The following SAMD5 variants were observed in gnomAD, a reference collection of about 807,000 sequenced individuals.
The protein encoded by SAMD5 is sterile alpha motif domain containing 5.
SAMD5 carries 13 observed loss-of-function variants against 11.3 expected under a neutral mutation model. The ratio of observed to expected loss-of-function variants is 1.15; its 90% CI spans 0.75 to 1.83. SAMD5 has a LOEUF of 1.83. Among genes scored for constraint, SAMD5 ranks in the 40% most tolerant of loss-of-function variants. The probability of loss-of-function intolerance (pLI) is 0.00; values close to 1 mark genes in which losing one functional copy is unlikely to be tolerated. For synonymous variants in SAMD5, 129 were observed against 111.3 expected (o/e 1.16, Z -1.00); for missense variants, 255 against 239.1 (o/e 1.07, Z -0.44).
chr6:147,887,330 T>A, the SAMD5 span, among the ~76,000 whole-genome samples: 1 of 152,280 alleles, frequency 6.6e-6, no homozygotes, highest in East Asian at 1.9e-4. Flanking sequence ...CTTTGTAATC[T>A]CATCCCTCTC....
chr6:147,767,455 G>A, the SAMD5 span, among the ~76,000 whole-genome samples: 1 of 149,912 alleles, frequency 6.7e-6, no homozygotes, highest in East Asian at 1.9e-4. Flanking sequence ...TGGACTGGAT[G>A]TTTGTGTCTC....
At chr6:147,935,196 C>T in the SAMD5 span, among the ~76,000 whole-genome samples, 1 of 152,128 alleles carries the variant, frequency 6.6e-6, no homozygotes, top group African/African-American at 2.4e-5. Flanking sequence ...GGCAGTTGAG[C>T]TTGACTCAAT....
intron 1 of SAMD5, among the ~76,000 whole-genome samples, chr6:147,690,539 C>G (rs918672415): frequency 6.6e-6 from 1 of 152,072 alleles, no homozygotes; most frequent in Non-Finnish European, 1.5e-5. Context: ...GTCCCAGCTA[C>G]TTGGGAGGCA....
chr6:147,525,965 G>T (rs13214443), intron 1 of SAMD5, among the ~76,000 whole-genome samples: 8,549 of 152,218 alleles, frequency 0.056, 306 homozygotes, highest in Admixed American at 0.088. Flanking sequence ...GGCCCAGCCT[G>T]TTGGCCATTA....
chr6:147,595,736 A>G (rs772709690), intron 1 of SAMD5, among the ~76,000 whole-genome samples: 7 of 151,992 alleles, frequency 4.6e-5, no homozygotes, highest in Admixed American at 2.0e-4. Flanking sequence ...CATGTTGGCC[A>G]GGAGGGTCTC....
At chr6:147,702,496 A>T (rs1352314084) in intron 1 of SAMD5, among the ~76,000 whole-genome samples, 1 of 152,242 alleles carries the variant, frequency 6.6e-6, no homozygotes, top group Non-Finnish European at 1.5e-5. Flanking sequence ...ACATTTGGTG[A>T]TAAAAGATTT....
the SAMD5 span, among the ~76,000 whole-genome samples, chr6:147,842,362 T>G: frequency 6.6e-6 from 1 of 151,912 alleles, no homozygotes; most frequent in East Asian, 1.9e-4. Context: ...ACCTGGTGAG[T>G]GCTCTCCCAG....
chr6:147,656,492 G>T (rs1196154020), intron 1 of SAMD5, among the ~76,000 whole-genome samples: 1 of 151,952 alleles, frequency 6.6e-6, no homozygotes, highest in Admixed American at 6.6e-5. Flanking sequence ...CCCATAAAAG[G>T]CATATACCCC....
the SAMD5 span, among the ~76,000 whole-genome samples, chr6:147,951,561 A>G: frequency 1.3e-5 from 2 of 152,242 alleles, no homozygotes; most frequent in Admixed American, 6.5e-5. Context: ...CGAGAGAAGC[A>G]CATCAAAATG....
chr6:147,849,767 T>C, the SAMD5 span, among the ~76,000 whole-genome samples: 4 of 152,344 alleles, frequency 2.6e-5, no homozygotes, highest in South Asian at 8.3e-4. Context: ...CACCTGAGGC[T>C]CTTGTTCAGA....
At chr6:147,952,838 C>A in the SAMD5 span, among the ~76,000 whole-genome samples, 1 of 152,184 alleles carries the variant, frequency 6.6e-6, no homozygotes, top group Middle Eastern at 3.4e-3. Context: ...TTTGAAAGAA[C>A]CTATATGAAA....
the SAMD5 span, among the ~76,000 whole-genome samples, chr6:147,916,893 T>A: frequency 6.6e-6 from 1 of 150,938 alleles, no homozygotes; most frequent in Non-Finnish European, 1.5e-5. Context: ...AACTCATCAT[T>A]TTTTATGGCT....
At chr6:147,867,509 A>G in the SAMD5 span, among the ~76,000 whole-genome samples, 1 of 152,058 alleles carries the variant, frequency 6.6e-6, no homozygotes. Flanking sequence ...GATGGGATGG[A>G]ATGATTTCTA....
intron 1 of SAMD5, among the ~76,000 whole-genome samples, chr6:147,627,604 C>T (rs540387449): frequency 2.6e-5 from 4 of 152,260 alleles, no homozygotes; most frequent in African/African-American, 9.6e-5. Flanking sequence ...AATATTAATG[C>T]GAGTCAGGAG....
the SAMD5 span, among the ~76,000 whole-genome samples, chr6:147,917,401 G>A: frequency 6.6e-6 from 1 of 151,118 alleles, no homozygotes; most frequent in Admixed American, 6.6e-5. Context: ...TTTTGATGGG[G>A]TTGTTTGTTT....
At chr6:147,650,152 A>G (rs1054808015) in intron 1 of SAMD5, among the ~76,000 whole-genome samples, 2 of 152,206 alleles carry the variant, frequency 1.3e-5, no homozygotes, top group African/African-American at 4.8e-5. Flanking sequence ...TTACGCATTC[A>G]TTGAACATTT....
the SAMD5 span, among the ~76,000 whole-genome samples, chr6:147,910,778 A>G: frequency 2.6e-5 from 4 of 152,208 alleles, no homozygotes; most frequent in Non-Finnish European, 5.9e-5. Flanking sequence ...TATACAACAA[A>G]TCGCATATAA....
the SAMD5 span, among the ~76,000 whole-genome samples, chr6:147,774,204 C>T: frequency 1.3e-5 from 2 of 152,160 alleles, no homozygotes; most frequent in Non-Finnish European, 2.9e-5. Context: ...AATTTATTCA[C>T]CTCCCAAATG....
chr6:147,653,452 A>G (rs1451860010), intron 1 of SAMD5, among the ~76,000 whole-genome samples: 1 of 152,242 alleles, frequency 6.6e-6, no homozygotes, highest in African/African-American at 2.4e-5. Flanking sequence ...TATGCATGTT[A>G]TCCGTGGCTC....
Sources: gnomAD v4.1 joint callset for allele counts (sites outside exome capture counted in the v4.1 genomes callset) on GRCh38, gnomAD v4.1.1 for gene constraint, MANE v1.5 for transcripts, NCBI Gene and HGNC (gene_info 2026-07-23, HGNC 2026-07-21) for gene names.